Variants in HERC2 observed in about 807,000 individuals in gnomAD.
HERC2 encodes the protein E3 ubiquitin-protein ligase HERC2.
In HERC2, 102 loss-of-function variants were observed where a neutral mutation model predicts 537.7. That is an observed-to-expected ratio of 0.19 (90% CI 0.16 to 0.22). HERC2 has a LOEUF of 0.22. HERC2 is among the 10% of genes least tolerant of loss of function. HERC2 has a pLI of 1.00. For missense variants in HERC2, 4,236 were observed against 6,198.2 expected, an observed-to-expected ratio of 0.68 and a Z score of 10.63; for synonymous variants, 2,224 against 2,466.2, an observed-to-expected ratio of 0.90 and a Z score of 2.91.
At chr15:28,281,938 A>G (rs1210452546) in intron 4 of HERC2, among the ~76,000 whole-genome samples, 1 of 152,128 alleles carries the variant, frequency 6.6e-6, no homozygotes, top group Admixed American at 6.5e-5. Context: ...CAAAGCTCCA[A>G]GAGGGCAGCT....
intron 48 of HERC2, 34 bp downstream of exon 48, chr15:28,201,422 C>T (rs779106506): frequency 3.0e-6 from 4 of 1,331,548 alleles, no homozygotes; most frequent in South Asian, 1.2e-5. Context: ...GAATGAAAAA[C>T]GGATCGAGGC....
intron 83 of HERC2, among the ~76,000 whole-genome samples, chr15:28,129,332 G>A (rs1267994484): frequency 1.3e-5 from 2 of 152,202 alleles, no homozygotes; most frequent in Non-Finnish European, 2.9e-5. Flanking sequence ...CACACAGGAC[G>A]AGCTTAACTG....
At chr15:28,191,316 C>A in intron 53 of HERC2, 72 bp from the exon 54 acceptor site, 3 of 915,884 alleles carry the variant, frequency 3.3e-6, no homozygotes, top group Non-Finnish European at 5.2e-6. Flanking sequence ...ACAATAGTAT[C>A]GTTGAAGCTT....
At chr15:28,216,369 T>C (rs956174995) in intron 38 of HERC2, among the ~76,000 whole-genome samples, 18 of 152,016 alleles carry the variant, frequency 1.2e-4, no homozygotes, top group Admixed American at 3.9e-4. Flanking sequence ...TTAATACATC[T>C]GCATTAACAA....
At chr15:28,284,904 C>T (rs527859388) in intron 4 of HERC2, among the ~76,000 whole-genome samples, 3 of 106,756 alleles carry the variant, frequency 2.8e-5, no homozygotes, top group Non-Finnish European at 5.2e-5. Flanking sequence ...GCAAAAGGAG[C>T]GAAACTCCGT....
At chr15:28,254,037 A>C (rs1363352729) in intron 20 of HERC2, among the ~76,000 whole-genome samples, 1 of 151,882 alleles carries the variant, frequency 6.6e-6, no homozygotes, top group African/African-American at 2.4e-5. Flanking sequence ...TAATCCCAAC[A>C]CTTTGGGAGG....
chr15:28,232,838 G>C (rs985374527), intron 30 of HERC2, among the ~76,000 whole-genome samples: 49 of 152,080 alleles, frequency 3.2e-4, no homozygotes, highest in African/African-American at 1.1e-3. Flanking sequence ...TCATTACCAG[G>C]ATAACTAATA....
chr15:28,150,208 T>C (rs1479644892), intron 70 of HERC2, among the ~76,000 whole-genome samples: 1 of 150,296 alleles, frequency 6.7e-6, no homozygotes, highest in African/African-American at 2.5e-5. Flanking sequence ...ACCGAGAACA[T>C]CACCGAGAAT....
chr15:28,291,165 T>C (rs116330555), intron 4 of HERC2, among the ~76,000 whole-genome samples: 1 of 152,208 alleles, frequency 6.6e-6, no homozygotes, highest in African/African-American at 2.4e-5. Flanking sequence ...GCATACGCAC[T>C]TTGTCTGGCC....
At chr15:28,207,937 C>A (rs1397270745) in intron 44 of HERC2, among the ~76,000 whole-genome samples, 1 of 151,988 alleles carries the variant, frequency 6.6e-6, no homozygotes, top group East Asian at 1.9e-4. Flanking sequence ...AACAGGTGCA[C>A]GGCAGTTTTG....
Position 28,130,537 on chromosome 15 carries a change from C to T in HERC2, c.12628G>A (p.Val4210Ile), listed in dbSNP as rs1289787329. ...ACAGCTCCAGATTTGGTAAGGGCAA[C>T]AGAAAACTGGGATCCGCATTCCACT... ...VKVECGSQFS[V>I]ALTKSGAVYT... Residue 4210 changes from valine to isoleucine, a missense_variant, in exon 82 of 93, where the codon GTT (valine) becomes ATT (isoleucine). Val to Ile is a conservative substitution (Grantham distance 29, BLOSUM62 3). This residue lies in a region of HERC2 where 38 missense variants were observed against 36.7 expected (regional missense o/e 1.04). Coordinates refer to ENST00000261609, the MANE Select transcript of HERC2 (RefSeq NM_004667.6). The T allele has an allele frequency of 3.1e-6, 5 of 1,614,136 alleles. No homozygotes were observed. The African/African-American group carries it at 6.7e-5, about 22-fold the overall frequency.
chr15:28,233,856 A>C (rs1217019422), intron 27 of HERC2, 60 bp from the exon 28 acceptor site: 1 of 1,559,252 alleles, frequency 6.4e-7, no homozygotes, highest in African/African-American at 1.4e-5. Context: ...CACAAATCTT[A>C]AACATGCCAC....
At position 28,196,538 on chromosome 15, in the gene HERC2, G is replaced by A. The variant is rs2428639; in HGVS notation, c.8043C>T (p.Val2681=). ...TCCAGTGAGACTGCTGGGGAAAGTCGACAATGATATCTTTTCCATTGGCAC... is the reference window on the plus strand; with the variant it reads ...TCCAGTGAGACTGCTGGGGAAAGTCAACAATGATATCTTTTCCATTGGCAC... ...AFSANGKDII[V]DFPQQSHWTG... is the part of the protein sequence containing the mutation. Residue 2681 remains valine (V), a synonymous_variant, in exon 51 of 93, where the codon GTC becomes GTT. Transcript: ENST00000261609. The A allele has an allele frequency of 1.3e-5, 21 of 1,612,760 alleles. No homozygotes were observed. The highest frequency in any genetic ancestry group is 2.2e-5 in the East Asian group (1 of 44,876).
chr15:28,117,462 C>T (rs773983395), intron 86 of HERC2: 9 of 648,072 alleles, frequency 1.4e-5, no homozygotes, highest in South Asian at 3.0e-5. Context: ...TCCACAGCTG[C>T]GGCCCGGCAG....
chr15:28,273,038 A>G (rs75964737), intron 7 of HERC2, 34 bp from the exon 8 acceptor site: 1 of 1,473,212 alleles, frequency 6.8e-7, no homozygotes, highest in Non-Finnish European at 9.5e-7. Context: ...GGAACAAAGC[A>G]ACCTCCAGAA....
chr15:28,111,745 C>G lies in HERC2; in HGVS notation c.*18G>C. The G allele has an allele frequency of 6.2e-7, 1 of 1,610,828 alleles. No individual in the cohort carries two copies. Among genetic ancestry groups the G allele is most frequent in the Non-Finnish European group, 8.5e-7 (1 of 1,177,206 alleles). On this transcript the variant is annotated 3_prime_UTR_variant, in exon 93 of 93. Coordinates refer to ENST00000261609, the MANE Select transcript of HERC2 (RefSeq NM_004667.6). ...CTGCCTGGCTCAGGCTCTCATCTCA[C>G]GAGGACGTTTCCCCATCTTAGTGTC...
chr15:28,197,492 G>A (rs960297148), intron 50 of HERC2, among the ~76,000 whole-genome samples: 3 of 152,096 alleles, frequency 2.0e-5, no homozygotes, highest in African/African-American at 4.8e-5. Context: ...GGTGGCTCAC[G>A]CCTGTAATCC....
chr15:28,304,394 G>A (rs2076722109), intron 2 of HERC2, among the ~76,000 whole-genome samples: 2 of 146,790 alleles, frequency 1.4e-5, no homozygotes, highest in South Asian at 4.3e-4. Context: ...CTGAGATGGA[G>A]TCTTGCTCTG....
At chr15:28,286,532 T>A (rs566592658) in intron 4 of HERC2, among the ~76,000 whole-genome samples, 5 of 152,164 alleles carry the variant, frequency 3.3e-5, no homozygotes, top group Non-Finnish European at 5.9e-5. Context: ...ATCAATTGAT[T>A]TAGAAAAAGC....
Sources: gnomAD v4.1 joint callset for allele counts (sites outside exome capture counted in the v4.1 genomes callset) on GRCh38, gnomAD v4.1.1 for gene constraint, gnomAD v4.1.1 regional missense constraint, MANE v1.5 for transcripts, NCBI Gene and HGNC (gene_info 2026-07-23, HGNC 2026-07-21) for gene names.